ZER1: variants seen among roughly 807,000 people sequenced by gnomAD.
ZER1 encodes protein zer-1 homolog.
ZER1 carries 11 observed loss-of-function variants against 78.8 expected under a neutral mutation model. The observed-to-expected ratio is 0.14, with a 90% CI of 0.09 to 0.23. The LOEUF (loss-of-function observed/expected upper bound fraction) is 0.23. Ranked by LOEUF, ZER1 falls within the 10% of genes least tolerant of loss-of-function variation. ZER1 has a pLI of 1.00. For synonymous variants in ZER1, 400 were observed against 407.0 expected (o/e 0.98, Z 0.21); for missense variants, 588 against 996.9 (o/e 0.59, Z 5.52).
intron 8 of ZER1, among the ~76,000 whole-genome samples, chr9:128,747,650 G>A (rs534148220): frequency 9.1e-4 from 138 of 152,090 alleles, no homozygotes; most frequent in African/African-American, 3.2e-3. Context: ...GTCTTGCTTC[G>A]TCACCCAGAC....
Position 128,753,856 on chromosome 9 carries a change from G to T in ZER1, c.262C>A (p.Arg88Ser). 6.2e-7 allele frequency: 1 copy of T among 1,603,868 alleles called. No homozygotes were observed. Among genetic ancestry groups the T allele is most frequent in the Non-Finnish European group, 8.5e-7 (1 of 1,175,894 alleles). Reference sequence around the variant, plus strand: ...TCCTGGTCCTGCACCAGGTCCTCACGGAGGTGGATCCGCGTGAGGCGGGTG... The same window carrying T: ...TCCTGGTCCTGCACCAGGTCCTCACTGAGGTGGATCCGCGTGAGGCGGGTG... The part of the protein sequence containing the change: ...RSTRLTRIHL[R>S]EDLVQDQDLE... Residue 88 changes from arginine to serine, a missense_variant, in exon 3 of 16, where the codon CGT becomes AGT. Around this residue, in one of 3 missense-constraint regions of ZER1, gnomAD observed 406 missense variants for 660.1 expected, o/e 0.62. Transcript: ENST00000291900. The surrounding 1 kb of genome is among the most constrained non-coding windows in gnomAD (Gnocchi z 7.5).
At chr9:128,756,008 C>G (rs1863845947) in intron 1 of ZER1, among the ~76,000 whole-genome samples, 1 of 152,166 alleles carries the variant, frequency 6.6e-6, no homozygotes, top group Non-Finnish European at 1.5e-5. Flanking sequence ...GCAGTACTTC[C>G]TAACCTGTAT....
At chr9:128,766,286 T>G (rs1589549293) in intron 1 of ZER1, among the ~76,000 whole-genome samples, 1 of 149,602 alleles carries the variant, frequency 6.7e-6, no homozygotes, top group Admixed American at 6.7e-5. Context: ...GAGGTGGAGG[T>G]TCCAGTGAGC....
chr9:128,733,119 T>A (rs1862893465), intron 15 of ZER1: 1 of 309,936 alleles, frequency 3.2e-6, no homozygotes, highest in Non-Finnish European at 6.3e-6. Context: ...TAATGAATAG[T>A]TCTGACCTGA....
intron 1 of ZER1, among the ~76,000 whole-genome samples, chr9:128,757,487 G>T (rs1042544130): frequency 1.3e-5 from 2 of 151,394 alleles, no homozygotes; most frequent in African/African-American, 4.9e-5. Context: ...GCACCACCGC[G>T]CTCTAGCCTG....
chr9:128,767,599 T>C (rs1223738628), intron 1 of ZER1, among the ~76,000 whole-genome samples: 2 of 152,108 alleles, frequency 1.3e-5, no homozygotes, highest in Non-Finnish European at 2.9e-5. Context: ...GTTTCCCAGA[T>C]AAGGAAACAA....
chr9:128,738,447 G>A (rs549629617), intron 13 of ZER1, among the ~76,000 whole-genome samples: 6 of 148,904 alleles, frequency 4.0e-5, no homozygotes, highest in East Asian at 2.0e-4. Flanking sequence ...GTGCAGTGGC[G>A]CGATCTCGGC....
chr9:128,767,450 T>G (rs1864251505), intron 1 of ZER1, among the ~76,000 whole-genome samples: 1 of 151,956 alleles, frequency 6.6e-6, no homozygotes, highest in Non-Finnish European at 1.5e-5. Context: ...CTCACCATGT[T>G]GCCCAGGCTT....
chr9:128,734,144 A>AAAAAAAATATATAT, intron 14 of ZER1, among the ~76,000 whole-genome samples: 4 of 14,456 alleles, frequency 2.8e-4, no homozygotes, highest in African/African-American at 7.5e-4. Context: ...AAAAAAAAAA[A>AAAAAAAATATATAT]ATATATATAT....
chr9:128,736,503 C>T (rs1180650384), intron 13 of ZER1, among the ~76,000 whole-genome samples: 1 of 151,500 alleles, frequency 6.6e-6, no homozygotes, highest in South Asian at 2.1e-4. Context: ...ACATGATTCT[C>T]CTGCCTCAGC....
chr9:128,739,319 G>A (rs531942173), intron 13 of ZER1, among the ~76,000 whole-genome samples: 39 of 151,422 alleles, frequency 2.6e-4, no homozygotes, highest in African/African-American at 9.2e-4. Context: ...TGGCTAACAC[G>A]GTGAAAACTC....
intron 11 of ZER1, 126 bp downstream of exon 11, chr9:128,741,409 C>A: frequency 7.0e-7 from 1 of 1,420,916 alleles, no homozygotes; most frequent in South Asian, 1.2e-5. Flanking sequence ...TGAGTCTGTC[C>A]CCACTGCCCT....
chr9:128,731,441 G>GGGGTGGGGGGGGGC, intron 15 of ZER1, 47 bp from the exon 16 acceptor site: 1 of 704,912 alleles, frequency 1.4e-6, no homozygotes. Context: ...CTTGGGTGGG[G>GGGGTGGGGGGGGGC]GTGAGCCCAG....
Position 128,751,164 on chromosome 9 carries a change from G to T in ZER1, c.1143C>A (p.Ile381=), listed in dbSNP as rs1414193754. ...TSRAINLLFD[I]ARIERCNQLL... is the part of the protein sequence containing the mutation. ...GCTGGTTGCAACGCTCGATGCGGGC[G>T]ATGTCAAAAAGCAAGTTGATGGCCC... The change falls in exon 7 of 16, where the codon ATC becomes ATA. Residue 381 remains isoleucine, a synonymous_variant. Coordinates refer to ENST00000291900, the MANE Select transcript of ZER1 (RefSeq NM_006336.4). The surrounding 1 kb of genome is among the most constrained non-coding windows in gnomAD (Gnocchi z 5.4). The T allele has an allele frequency of 1.9e-6, 3 of 1,605,688 alleles. No individual in the cohort carries two copies. Among genetic ancestry groups the T allele is most frequent in the Admixed American group, 3.4e-5 (2 of 59,308 alleles).
In ZER1 at chr9:128,752,709, C is replaced by G; in HGVS notation, c.887G>C (p.Ser296Thr). 1.2e-6 allele frequency: 2 copies of G among 1,613,970 alleles called. No homozygotes were observed. Among genetic ancestry groups the G allele is most frequent in the South Asian group, 2.2e-5 (2 of 91,048 alleles). ...ISGHMILENC[S>T]ISKMEEEAGQ... is the part of the protein sequence containing the mutation. ...CGCTTCCTCTTCCATCTTGGAGATG[C>G]TGCAGTTCTCTAGGATCATGTGGCC... The change falls in exon 5 of 16, where the codon AGC becomes ACC. Residue 296 changes from serine (S) to threonine (T), a missense_variant. Physicochemically the swap from Ser to Thr is moderately conservative, Grantham distance 58. Around this residue, in one of 3 missense-constraint regions of ZER1, gnomAD observed 406 missense variants for 660.1 expected, o/e 0.62. Coordinates refer to ENST00000291900, the MANE Select transcript of ZER1 (RefSeq NM_006336.4).
At chr9:128,762,554 C>T (rs1305546894) in intron 1 of ZER1, among the ~76,000 whole-genome samples, 4 of 152,218 alleles carry the variant, frequency 2.6e-5, no homozygotes, top group Admixed American at 2.6e-4. Context: ...ACCTCATCCC[C>T]AGCACGGTGT....
intron 1 of ZER1, among the ~76,000 whole-genome samples, chr9:128,767,610 T>C (rs1001245382): frequency 2.0e-5 from 3 of 152,130 alleles, no homozygotes; most frequent in African/African-American, 4.8e-5. Context: ...AAGGAAACAA[T>C]GGTTGAAAGA....
At chr9:128,734,076 CG>C (rs1862943988) in intron 14 of ZER1, among the ~76,000 whole-genome samples, 1 of 88,724 alleles carries the variant, frequency 1.1e-5, no homozygotes, top group Non-Finnish European at 2.2e-5. Context: ...TGCAGTGAGT[CG>C]AGATCGCGCC....
intron 1 of ZER1, 103 bp downstream of exon 1, chr9:128,771,478 T>C (rs1864381560): frequency 6.6e-6 from 1 of 152,306 alleles, no homozygotes; most frequent in African/African-American, 2.4e-5. Context: ...CTGGCGGAGA[T>C]GGACCTCAGA....
Sources: allele counts gnomAD v4.1 joint callset (sites outside exome capture counted in the v4.1 genomes callset), GRCh38; gene constraint gnomAD v4.1.1; regional missense constraint gnomAD v4.1.1; non-coding constraint Gnocchi (gnomAD v3.1); transcripts MANE v1.5; gene names NCBI Gene and HGNC (gene_info 2026-07-23, HGNC 2026-07-21).